Variants in NRXN3 observed in about 807,000 individuals in gnomAD.
NRXN3 encodes the protein neurexin III.
Under a neutral mutation model 137.6 loss-of-function variants are expected in NRXN3, and 32 were observed. The ratio of observed to expected loss-of-function variants is 0.23; its 90% CI spans 0.18 to 0.31. NRXN3 has a LOEUF of 0.31. NRXN3 is among the 10% of genes least tolerant of loss of function. The pLI is 1.00. For synonymous variants in NRXN3, 798 were observed against 784.5 expected (o/e 1.02, Z -0.29); for missense variants, 1,574 against 2,062.5 (o/e 0.76, Z 4.59).
intron 15 of NRXN3, among the ~76,000 whole-genome samples, chr14:79,062,930 A>G (rs1302280691): frequency 1.3e-5 from 2 of 152,190 alleles, no homozygotes; most frequent in Admixed American, 1.3e-4. Flanking sequence ...TTCTGAGGTG[A>G]AAAACCTGAA....
chr14:78,643,614 C>T (rs901581000), intron 4 of NRXN3, among the ~76,000 whole-genome samples: 4 of 152,096 alleles, frequency 2.6e-5, no homozygotes, highest in Non-Finnish European at 5.9e-5. Flanking sequence ...TTTTGGATTC[C>T]TTGGAGTTCT....
At chr14:79,822,925 G>T (rs960961733) in intron 20 of NRXN3, among the ~76,000 whole-genome samples, 1 of 152,160 alleles carries the variant, frequency 6.6e-6, no homozygotes, top group African/African-American at 2.4e-5. Context: ...AACTTCTAAG[G>T]ACTGTGTGGA....
At chr14:78,915,834 A>G (rs562308662) in intron 10 of NRXN3, among the ~76,000 whole-genome samples, 1 of 152,230 alleles carries the variant, frequency 6.6e-6, no homozygotes, top group African/African-American at 2.4e-5. Flanking sequence ...ATACACCTTG[A>G]CAAGATACTC....
At chr14:78,278,530 T>C in intron 2 of NRXN3, 115 bp from the exon 3 acceptor site, 3 of 830,258 alleles carry the variant, frequency 3.6e-6, no homozygotes, top group South Asian at 1.5e-5. Context: ...ATGAACTTGA[T>C]AGTCATGCAA....
intron 2 of NRXN3, among the ~76,000 whole-genome samples, chr14:78,275,630 G>A (rs1318353522): frequency 6.6e-6 from 1 of 152,146 alleles, no homozygotes; most frequent in African/African-American, 2.4e-5. Flanking sequence ...AAATTCTCTG[G>A]GAAGACTCTC....
intron 4 of NRXN3, among the ~76,000 whole-genome samples, chr14:78,432,301 T>C (rs1332369596): frequency 1.0e-5 from 1 of 96,702 alleles, no homozygotes; most frequent in Non-Finnish European, 1.8e-5. Flanking sequence ...TGCACTCAGG[T>C]TTTTTTTTTT....
At chr14:79,511,149 G>T (rs2096928791) in intron 16 of NRXN3, among the ~76,000 whole-genome samples, 1 of 152,186 alleles carries the variant, frequency 6.6e-6, no homozygotes, top group Admixed American at 6.5e-5. Context: ...AATAGCCATT[G>T]ATCACTTTAC....
At chr14:79,640,544 C>T (rs1404103947) in intron 16 of NRXN3, among the ~76,000 whole-genome samples, 2 of 135,476 alleles carry the variant, frequency 1.5e-5, no homozygotes, top group African/African-American at 4.9e-5. Context: ...TTTGGCCTTT[C>T]TCTTTTTATG....
At chr14:78,923,535 A>G (rs2099276788) in intron 10 of NRXN3, among the ~76,000 whole-genome samples, 1 of 152,230 alleles carries the variant, frequency 6.6e-6, no homozygotes, top group Non-Finnish European at 1.5e-5. Context: ...GCTATTTTGT[A>G]TATTAGTGAA....
Position 78,243,716 on chromosome 14 carries a change from A to G in NRXN3, c.623A>G (p.Glu208Gly). 1 of 1,598,314 alleles carries G rather than the reference A, an allele frequency of 6.3e-7. No individual in the cohort carries two copies. Among genetic ancestry groups the G allele is most frequent in the Non-Finnish European group, 8.5e-7 (1 of 1,179,764 alleles). The change falls in exon 2 of 21, where the codon GAA becomes GGA. Residue 208 changes from glutamate to glycine, a missense_variant. Coordinates refer to ENST00000335750, the MANE Select transcript of NRXN3 (RefSeq NM_001330195.2). This position sits in a 1 kb window ranked among gnomAD's most constrained non-coding sequence, Gnocchi z 4.2. Reference sequence around the variant, plus strand: ...GGACCCTGTGGTGAGCGTCCCTGTGAAAATGGTGGGATCTGCTTTCTCCTG... The same window carrying G: ...GGACCCTGTGGTGAGCGTCCCTGTGGAAATGGTGGGATCTGCTTTCTCCTG... ...AEGPCGERPC[E>G]NGGICFLLDG...
At chr14:78,530,917 G>C (rs2096453466) in intron 4 of NRXN3, among the ~76,000 whole-genome samples, 1 of 152,158 alleles carries the variant, frequency 6.6e-6, no homozygotes, top group Admixed American at 6.5e-5. Context: ...CTACTCATTA[G>C]CTGTATTCAA....
chr14:79,122,294 C>G (rs1398051957), intron 15 of NRXN3, among the ~76,000 whole-genome samples: 1 of 152,182 alleles, frequency 6.6e-6, no homozygotes, highest in Non-Finnish European at 1.5e-5. Flanking sequence ...TTGAGGATAT[C>G]CCTACACATC....
At chr14:78,915,110 T>G (rs935056942) in intron 10 of NRXN3, among the ~76,000 whole-genome samples, 12 of 151,834 alleles carry the variant, frequency 7.9e-5, no homozygotes, top group Admixed American at 2.6e-4. Flanking sequence ...GGGCTAGTTG[T>G]GAAAGATGAC....
intron 15 of NRXN3, among the ~76,000 whole-genome samples, chr14:79,395,978 A>G (rs1344727792): frequency 2.0e-5 from 3 of 152,228 alleles, no homozygotes; most frequent in Non-Finnish European, 4.4e-5. Flanking sequence ...TCATTTACAC[A>G]CATATATGTA....
intron 10 of NRXN3, among the ~76,000 whole-genome samples, chr14:78,938,707 C>T (rs1345969244): frequency 6.6e-6 from 1 of 152,026 alleles, no homozygotes; most frequent in Non-Finnish European, 1.5e-5. Flanking sequence ...CCTGGAGCTT[C>T]TAAATCTTAT....
intron 16 of NRXN3, among the ~76,000 whole-genome samples, chr14:79,573,688 G>A (rs1033815274): frequency 2.0e-5 from 3 of 152,058 alleles, no homozygotes; most frequent in Non-Finnish European, 2.9e-5. Flanking sequence ...GTTCTCAGCT[G>A]CTGTTGTGGT....
intron 6 of NRXN3, among the ~76,000 whole-genome samples, chr14:78,703,247 A>G (rs1435684230): frequency 6.6e-6 from 1 of 152,218 alleles, no homozygotes; most frequent in East Asian, 1.9e-4. Flanking sequence ...AAGTTGAGAG[A>G]GTTTTAAGTG....
chr14:78,193,761 C>CAAAAAA (rs375804646), intron 1 of NRXN3, among the ~76,000 whole-genome samples: 50 of 108,972 alleles, frequency 4.6e-4, no homozygotes, highest in Non-Finnish European at 7.0e-4. Flanking sequence ...AACTCTGTCT[C>CAAAAAA]AAAAAAAAAA....
intron 5 of NRXN3, among the ~76,000 whole-genome samples, chr14:78,650,224 G>T (rs1225636278): frequency 6.6e-6 from 1 of 151,638 alleles, no homozygotes; most frequent in Non-Finnish European, 1.5e-5. Flanking sequence ...AGTGGATTTT[G>T]ATTCTTTCCC....
Sources: allele counts gnomAD v4.1 joint callset (sites outside exome capture counted in the v4.1 genomes callset), GRCh38; gene constraint gnomAD v4.1.1; non-coding constraint Gnocchi (gnomAD v3.1); transcripts MANE v1.5; gene names NCBI Gene and HGNC (gene_info 2026-07-23, HGNC 2026-07-21).